Variants in GRAMD2B observed in about 807,000 individuals in gnomAD.
The protein encoded by GRAMD2B is GRAM domain-containing protein 2B.
A neutral mutation model predicts 59.2 loss-of-function variants in GRAMD2B; 41 were observed. That is an observed-to-expected ratio of 0.69 (90% CI 0.54 to 0.90). The LOEUF is 0.90. Ranked by LOEUF, GRAMD2B falls within the 40% of genes least tolerant of loss-of-function variation. The pLI is 0.00. For synonymous variants in GRAMD2B, 161 were observed against 182.7 expected (o/e 0.88, Z 0.96); for missense variants, 424 against 500.5 (o/e 0.85, Z 1.46).
intron 10 of GRAMD2B, 61 bp downstream of exon 10, chr5:126,484,585 T>A: frequency 3.6e-6 from 1 of 276,496 alleles, no homozygotes; most frequent in Non-Finnish European, 5.5e-6. Flanking sequence ...TGTTTGTAAC[T>A]TTTTTTTTTT....
At chr5:126,404,236 G>A (rs1194008620) in intron 1 of GRAMD2B, among the ~76,000 whole-genome samples, 2 of 151,880 alleles carry the variant, frequency 1.3e-5, no homozygotes, top group Non-Finnish European at 2.9e-5. Flanking sequence ...ATATTTGGTA[G>A]AGAGGGAAAA....
At chr5:126,394,284 AAAAAG>A (rs1757154298) in intron 1 of GRAMD2B, among the ~76,000 whole-genome samples, 1 of 152,068 alleles carries the variant, frequency 6.6e-6, no homozygotes, top group South Asian at 2.1e-4. Flanking sequence ...CAAAAAAAAA[AAAAAG>A]AAAAGAAAAC....
intron 1 of GRAMD2B, among the ~76,000 whole-genome samples, chr5:126,390,289 T>C (rs1457932937): frequency 6.6e-6 from 1 of 152,238 alleles, no homozygotes; most frequent in Non-Finnish European, 1.5e-5. Context: ...GATTGAGACA[T>C]GTATATAAAA....
intron 1 of GRAMD2B, among the ~76,000 whole-genome samples, chr5:126,415,989 C>T (rs1054484351): frequency 5.3e-5 from 8 of 152,002 alleles, no homozygotes; most frequent in South Asian, 2.1e-4. Context: ...ACATTTCACA[C>T]GAAGAAAAAG....
At position 126,493,037 on chromosome 5, in the gene GRAMD2B, C is replaced by A; in HGVS notation, c.*81C>A. Reference sequence around the variant, plus strand: ...CTTCCTGAGGCGTTTTGTTTGAGTGCACCCTGCTGGTCAGAGGTGCAAGCA... The same window carrying A: ...CTTCCTGAGGCGTTTTGTTTGAGTGAACCCTGCTGGTCAGAGGTGCAAGCA... On this transcript the variant is annotated 3_prime_UTR_variant, in exon 14 of 14. Transcript: ENST00000285689. The A allele has an allele frequency of 9.4e-7, 1 of 1,063,044 alleles. No individual in the cohort carries two copies. Among genetic ancestry groups the A allele is most frequent in the Admixed American group, 1.8e-5 (1 of 56,072 alleles). 65.9% of individuals were successfully genotyped at this position (1,063,044 alleles called of 1,614,324 possible).
intron 5 of GRAMD2B, among the ~76,000 whole-genome samples, chr5:126,477,313 GAGGAGA>G (rs1408756735): frequency 5.3e-5 from 8 of 152,230 alleles, no homozygotes; most frequent in Non-Finnish European, 7.3e-5. Flanking sequence ...CCTAGAGACA[GAGGAGA>G]GTAGGGCATG....
intron 1 of GRAMD2B, among the ~76,000 whole-genome samples, chr5:126,378,982 T>G (rs890747814): frequency 6.6e-6 from 1 of 152,296 alleles, no homozygotes; most frequent in South Asian, 2.1e-4. Context: ...AGTGGTGATT[T>G]CTGAGATTTT....
intron 5 of GRAMD2B, among the ~76,000 whole-genome samples, chr5:126,476,774 A>G (rs938042549): frequency 1.3e-5 from 2 of 152,242 alleles, no homozygotes; most frequent in Non-Finnish European, 2.9e-5. Flanking sequence ...GTTGAACCAG[A>G]AAAGTATTTA....
chr5:126,408,743 G>C, intron 1 of GRAMD2B, among the ~76,000 whole-genome samples: 1 of 150,676 alleles, frequency 6.6e-6, no homozygotes, highest in Non-Finnish European at 1.5e-5. Flanking sequence ...CAATGTGCAG[G>C]CTAGTTACAT....
rs200564399 is a variant in GRAMD2B, at chr5:126,432,560, T to C, written c.83+8871T>C. On this transcript the variant is annotated intron_variant, in intron 1 of 13. Coordinates refer to ENST00000285689, the MANE Select transcript of GRAMD2B (RefSeq NM_023927.4). ...TCATCATGACAACTTTTATTATCACTACATTGTTTCTATAATTCATTAGAA... is the reference window on the plus strand; with the variant it reads ...TCATCATGACAACTTTTATTATCACCACATTGTTTCTATAATTCATTAGAA... 4.6e-5 allele frequency among the ~76,000 whole-genome samples: 7 copies of C among 152,352 alleles called. No homozygotes were observed. In the East Asian group the frequency reaches 9.6e-4, roughly 21 times the overall value.
upstream of GRAMD2B, among the ~76,000 whole-genome samples, chr5:126,369,171 T>C (rs773595536): frequency 6.6e-6 from 1 of 152,184 alleles, no homozygotes; most frequent in Admixed American, 6.5e-5. Context: ...TGACCCCACA[T>C]TGAAACTCAA....
chr5:126,470,659 A>G (rs1769384951), intron 3 of GRAMD2B, among the ~76,000 whole-genome samples: 1 of 152,058 alleles, frequency 6.6e-6, no homozygotes, highest in African/African-American at 2.4e-5. Context: ...CCCGGGTTTA[A>G]GTGAGTCTCA....
intron 1 of GRAMD2B, among the ~76,000 whole-genome samples, chr5:126,444,060 A>G (rs1480531937): frequency 6.6e-6 from 1 of 152,072 alleles, no homozygotes; most frequent in Non-Finnish European, 1.5e-5. Flanking sequence ...CTCAAAAAAA[A>G]AAAAGAGAGA....
intron 11 of GRAMD2B, 86 bp from the exon 12 acceptor site, chr5:126,486,787 G>T: frequency 1.3e-6 from 1 of 750,262 alleles, no homozygotes; most frequent in East Asian, 2.5e-5. Context: ...CTTGCCTCGG[G>T]TGTACCACAT....
At chr5:126,458,204 G>A (rs1766682002) in intron 1 of GRAMD2B, among the ~76,000 whole-genome samples, 1 of 152,094 alleles carries the variant, frequency 6.6e-6, no homozygotes, top group African/African-American at 2.4e-5. Flanking sequence ...AGAGGTAAAG[G>A]CAGGTGGATC....
chr5:126,478,544 T>G (rs1771092334), intron 6 of GRAMD2B, among the ~76,000 whole-genome samples: 1 of 152,036 alleles, frequency 6.6e-6, no homozygotes, highest in Non-Finnish European at 1.5e-5. Context: ...AGTTCAAGAC[T>G]AACCTGCGCA....
At chr5:126,419,919 G>T (rs1402051615), upstream of GRAMD2B, among the ~76,000 whole-genome samples, 1 of 151,932 alleles carries the variant, frequency 6.6e-6, no homozygotes, top group South Asian at 2.1e-4. Context: ...GCTGGGCGTG[G>T]TGGTGTGTGC....
intron 8 of GRAMD2B, among the ~76,000 whole-genome samples, chr5:126,481,739 G>A (rs1449993893): frequency 3.3e-5 from 5 of 151,938 alleles, no homozygotes; most frequent in Non-Finnish European, 7.4e-5. Context: ...AGGCCGAGGC[G>A]GGTGGATCAC....
intron 1 of GRAMD2B, among the ~76,000 whole-genome samples, chr5:126,453,168 C>G (rs1765670072): frequency 6.6e-6 from 1 of 152,032 alleles, no homozygotes; most frequent in Non-Finnish European, 1.5e-5. Flanking sequence ...AATTCTGTCT[C>G]TATTAAAAAT....
Sources: gnomAD v4.1 joint callset for allele counts (sites outside exome capture counted in the v4.1 genomes callset) on GRCh38, gnomAD v4.1.1 for gene constraint, MANE v1.5 for transcripts, NCBI Gene and HGNC (gene_info 2026-07-23, HGNC 2026-07-21) for gene names.